The following ADAM10 variants were observed in gnomAD, a reference collection of about 807,000 sequenced individuals.
ADAM10 encodes ADAM metallopeptidase domain 10.
In ADAM10, 17 loss-of-function variants were observed where a neutral mutation model predicts 90.1. That is an observed-to-expected ratio of 0.19 (90% CI 0.13 to 0.28). The LOEUF (loss-of-function observed/expected upper bound fraction) is 0.28. Among genes scored for constraint, ADAM10 ranks in the 10% least tolerant of loss-of-function variants. The pLI is 1.00. For synonymous variants in ADAM10, 310 were observed against 298.6 expected (o/e 1.04, Z -0.40); for missense variants, 610 against 914.3 (o/e 0.67, Z 4.29).
Position 58,688,766 on chromosome 15 carries a change from TTATATATA to T in ADAM10, c.207-6460_207-6453del, listed in dbSNP as rs780219725. On this transcript the variant is annotated intron_variant, in intron 2 of 15. Coordinates refer to ENST00000260408, the MANE Select transcript of ADAM10 (RefSeq NM_001110.4). Reference sequence around the variant, plus strand: ...ATAATTTCTAAAATGAAAAAAAAAATTATATATATATATATATATATCTCTCTCTCTCA... The same window carrying T: ...ATAATTTCTAAAATGAAAAAAAAAATTATATATATATATCTCTCTCTCTCA... Among the ~76,000 whole-genome samples the T allele has an allele frequency of 2.0e-4, 24 of 121,896 alleles. 2 individuals carry two copies. Among genetic ancestry groups the T allele is most frequent in the African/African-American group, 7.4e-4 (20 of 27,130 alleles). The allele number at this position is 121,896 out of a possible 152,430, so 80.0% of individuals were successfully genotyped here.
At chr15:58,618,310 G>A (rs566591859) in intron 11 of ADAM10, among the ~76,000 whole-genome samples, 9 of 152,230 alleles carry the variant, frequency 5.9e-5, no homozygotes, top group Admixed American at 5.2e-4. Context: ...GGGAAAACTG[G>A]ATACCTATAT....
chr15:58,643,758 A>G, intron 7 of ADAM10, 128 bp downstream of exon 7: 1 of 755,454 alleles, frequency 1.3e-6, no homozygotes, highest in Non-Finnish European at 2.3e-6. Flanking sequence ...AACTGCATCA[A>G]CAGATACAAT....
At chr15:58,673,969 G>A (rs1390774800) in intron 4 of ADAM10, among the ~76,000 whole-genome samples, 2 of 152,050 alleles carry the variant, frequency 1.3e-5, no homozygotes, top group Non-Finnish European at 2.9e-5. Flanking sequence ...TCCTGACCTC[G>A]TGATCCGCCT....
intron 2 of ADAM10, chr15:58,698,243 G>C (rs1898029565): frequency 2.3e-6 from 1 of 443,058 alleles, no homozygotes; most frequent in Non-Finnish European, 4.5e-6. Context: ...ACAATACTAA[G>C]AAATCATAAA....
chr15:58,603,944 A>C (rs1164674666), intron 14 of ADAM10, among the ~76,000 whole-genome samples: 1 of 152,008 alleles, frequency 6.6e-6, no homozygotes, highest in Non-Finnish European at 1.5e-5. Context: ...AAAAAAGAAT[A>C]ATCAAACTTT....
chr15:58,740,244 T>C (rs1216057568), intron 1 of ADAM10, among the ~76,000 whole-genome samples: 2 of 152,070 alleles, frequency 1.3e-5, no homozygotes, highest in Non-Finnish European at 2.9e-5. Flanking sequence ...ACCCCGTCTC[T>C]ACTAAAAATA....
intron 5 of ADAM10, among the ~76,000 whole-genome samples, chr15:58,648,632 T>C (rs1184659993): frequency 1.3e-5 from 2 of 152,192 alleles, no homozygotes; most frequent in Admixed American, 6.5e-5. Context: ...TTATATCAAG[T>C]AGTTCAGCTC....
At chr15:58,642,351 G>A (rs1337495046) in intron 7 of ADAM10, among the ~76,000 whole-genome samples, 2 of 151,954 alleles carry the variant, frequency 1.3e-5, no homozygotes, top group African/African-American at 4.8e-5. Flanking sequence ...TGTAATCCCA[G>A]CTACTCGGGA....
At chr15:58,711,266 T>C (rs1275883882) in intron 2 of ADAM10, among the ~76,000 whole-genome samples, 1 of 152,200 alleles carries the variant, frequency 6.6e-6, no homozygotes, top group South Asian at 2.1e-4. Context: ...TTCTGATGTA[T>C]GGACTGAGGT....
chr15:58,611,490 GAGA>G (rs1337682705), intron 12 of ADAM10: 2 of 332,500 alleles, frequency 6.0e-6, no homozygotes, highest in Middle Eastern at 8.9e-4. Context: ...TTGATATTCA[GAGA>G]AGATGACCAA....
intron 11 of ADAM10, among the ~76,000 whole-genome samples, chr15:58,618,244 G>A (rs200111429): frequency 6.6e-6 from 1 of 151,644 alleles, no homozygotes; most frequent in African/African-American, 2.4e-5. Context: ...ATTGATTTTC[G>A]AGGTGATTTT....
At chr15:58,655,058 G>GT (rs1300922728) in intron 5 of ADAM10, among the ~76,000 whole-genome samples, 1 of 152,014 alleles carries the variant, frequency 6.6e-6, no homozygotes, top group East Asian at 1.9e-4. Flanking sequence ...TTGATTTTCT[G>GT]TCTGGAAGGT....
At chr15:58,723,999 G>A (rs1455966037) in intron 1 of ADAM10, among the ~76,000 whole-genome samples, 4 of 152,034 alleles carry the variant, frequency 2.6e-5, no homozygotes, top group Admixed American at 1.3e-4. Flanking sequence ...GGGAGGCCGA[G>A]GCAGGTGGAT....
intron 9 of ADAM10, chr15:58,629,577 T>C (rs1896043306): frequency 6.6e-6 from 1 of 152,200 alleles, no homozygotes; most frequent in African/African-American, 2.4e-5. Context: ...TAAGAAACTA[T>C]AATCTTTGTG....
intron 1 of ADAM10, chr15:58,732,478 A>G (rs1344776708): frequency 6.6e-6 from 1 of 151,998 alleles, no homozygotes; most frequent in Non-Finnish European, 1.5e-5. Flanking sequence ...GAGGTTGAGG[A>G]GGGCAGATCA....
At position 58,627,787 on chromosome 15, in the gene ADAM10, C is replaced by A. The variant is rs1895989810; in HGVS notation, c.1273G>T (p.Asp425Tyr). 1 of 1,613,442 alleles carries A rather than the reference C, an allele frequency of 6.2e-7. No individual in the cohort carries two copies. The highest frequency in any genetic ancestry group is 1.1e-5 in the South Asian group (1 of 91,074). Residue 425 changes from aspartate (D) to tyrosine (Y), a missense_variant, in exon 10 of 16, where the codon GAC (aspartate) becomes TAC (tyrosine). Physicochemically the swap from Asp to Tyr is radical, Grantham distance 160. This residue lies in a region of ADAM10 where 97 missense variants were observed against 221.4 expected (regional missense o/e 0.44). Coordinates refer to ENST00000260408, the MANE Select transcript of ADAM10 (RefSeq NM_001110.4). ...YIMYARATSG[D>Y]KLNNNKFSLC... ...GAGAATTTATTGTTGTTAAGTTTGT[C>A]CCCAGATGTTGCTCTTGCATACATG...
rs79947556 is a variant in ADAM10, at chr15:58,728,257, T to C, written c.56-10530A>G. Among the ~76,000 whole-genome samples, 226 of 152,298 alleles carry C rather than the reference T, an allele frequency of 1.5e-3. 1 individual carries two copies. The East Asian group carries it at 0.037, about 25-fold the overall frequency. On this transcript the variant is annotated intron_variant, in intron 1 of 15. Transcript: ENST00000260408. ...GTCAAAGAAGAAATCAAATGGAAATTAGAAAGTATTTTGAGTTGACTGCAA... is the reference window on the plus strand; with the variant it reads ...GTCAAAGAAGAAATCAAATGGAAATCAGAAAGTATTTTGAGTTGACTGCAA...
rs560954329 is a variant in ADAM10 at position 58,645,861 on chromosome 15, T to C, written c.735+194A>G. On this transcript the variant is annotated intron_variant, in intron 6 of 15. Coordinates refer to ENST00000260408, the MANE Select transcript of ADAM10 (RefSeq NM_001110.4). ...CTTCAGGAAATCATTGTCTTACCCC[T>C]CTCTTTTGACACTAAAATATCCCAA... Among the ~76,000 whole-genome samples the C allele has an allele frequency of 1.8e-3, 274 of 151,930 alleles. 1 individual carries two copies. The highest frequency in any genetic ancestry group is 6.8e-3 in the Middle Eastern group (2 of 294).
In ADAM10 at chr15:58,597,149, C is replaced by T. The variant is rs1348197434; in HGVS notation, c.*398G>A. On this transcript the variant is annotated 3_prime_UTR_variant, in exon 16 of 16. Coordinates refer to ENST00000260408, the MANE Select transcript of ADAM10 (RefSeq NM_001110.4). The stretch of plus-strand genomic sequence containing the variant: ...TGTCTCCAATGTTGAGGTGGTCGAG[C>T]CTCCTAGCCTTGATTGGCAGTTGAA... The T allele has an allele frequency of 1.1e-5, 5 of 456,048 alleles. No individual in the cohort carries two copies. Among genetic ancestry groups the T allele is most frequent in the Admixed American group, 3.6e-5 (1 of 27,514 alleles). The allele number at this position is 456,048 out of a possible 1,614,324, so 28.3% of individuals were successfully genotyped here.
Sources: gnomAD v4.1 joint callset for allele counts (sites outside exome capture counted in the v4.1 genomes callset) on GRCh38, gnomAD v4.1.1 for gene constraint, gnomAD v4.1.1 regional missense constraint, MANE v1.5 for transcripts, NCBI Gene and HGNC (gene_info 2026-07-23, HGNC 2026-07-21) for gene names.